ZNF345: variants seen among roughly 807,000 people sequenced by gnomAD.
ZNF345 encodes the protein zinc finger protein 345, also known as zinc finger protein HZF10.
For synonymous variants in ZNF345, 166 were observed against 187.9 expected (o/e 0.88, Z 0.95); for missense variants, 527 against 589.9 (o/e 0.89, Z 1.10).
intron 2 of ZNF345, among the ~76,000 whole-genome samples, chr19:36,860,000 C>T (rs1420224630): frequency 1.3e-5 from 2 of 152,028 alleles, no homozygotes; most frequent in African/African-American, 4.8e-5. Flanking sequence ...CTGGGTCGCC[C>T]AGGCTGGAGT....
intron 2 of ZNF345, among the ~76,000 whole-genome samples, chr19:36,853,127 G>A (rs2072322083): frequency 6.6e-6 from 1 of 151,046 alleles, no homozygotes; most frequent in African/African-American, 2.4e-5. Flanking sequence ...TAGAAGTTCT[G>A]GATTTCATTG....
chr19:36,858,023 G>A (rs1453114009), intron 2 of ZNF345, among the ~76,000 whole-genome samples: 9 of 151,068 alleles, frequency 6.0e-5, no homozygotes, highest in Admixed American at 1.3e-4. Flanking sequence ...CAGGTGATCC[G>A]CCCACCTAGG....
intron 2 of ZNF345, among the ~76,000 whole-genome samples, chr19:36,869,764 C>CTTTT (rs370081401): frequency 1.4e-5 from 2 of 139,646 alleles, no homozygotes; most frequent in Non-Finnish European, 3.1e-5. Context: ...GATCATTTAG[C>CTTTT]TTTTTTTTTT....
At chr19:36,884,719 G>A (rs550229864) in intron 3 of ZNF345, among the ~76,000 whole-genome samples, 3 of 152,142 alleles carry the variant, frequency 2.0e-5, no homozygotes, top group Non-Finnish European at 2.9e-5. Context: ...CATAAATCAT[G>A]TTATACTGTC....
chr19:36,864,544 T>A (rs1176539997), intron 2 of ZNF345, among the ~76,000 whole-genome samples: 3 of 151,204 alleles, frequency 2.0e-5, no homozygotes, highest in South Asian at 4.2e-4. Context: ...AAAAAAAAAA[T>A]AATAAGAGCA....
downstream of ZNF345, among the ~76,000 whole-genome samples, chr19:36,882,831 AT>A (rs60865779): frequency 0.15 from 22,384 of 152,172 alleles, 2,148 homozygotes; most frequent in Non-Finnish European, 0.22. Context: ...AATAATATAT[AT>A]TCTCTATAAA....
rs1358861883 is a variant in ZNF345, at chr19:36,878,171, T to A, written c.1341T>A (p.Ile447=). The change falls in exon 3 of 3, where the codon ATT becomes ATA. Residue 447 remains isoleucine (I), a synonymous_variant. Coordinates refer to ENST00000420450, the MANE Select transcript of ZNF345 (RefSeq NM_001242472.2). ...CAAGCCTTACTCAGCATCAGAGAAT[T>A]CATACAGGTGAGAAACTTTATGAAT... ...SGSSLTQHQR[I]HTGEKLYECK... 1 of 1,614,024 alleles carries A rather than the reference T, an allele frequency of 6.2e-7. No homozygotes were observed. The highest frequency in any genetic ancestry group is 8.5e-7 in the Non-Finnish European group (1 of 1,180,016).
intron 2 of ZNF345, among the ~76,000 whole-genome samples, chr19:36,860,489 T>A (rs1019034735): frequency 6.6e-5 from 10 of 152,228 alleles, no homozygotes; most frequent in Admixed American, 6.5e-4. Context: ...CTCTCTAGTC[T>A]TCTTTAATCT....
At chr19:36,884,185 C>G (rs1416512063), downstream of ZNF345, among the ~76,000 whole-genome samples, 1 of 152,158 alleles carries the variant, frequency 6.6e-6, no homozygotes, top group Non-Finnish European at 1.5e-5. Context: ...CCTGCCTCAG[C>G]CTCGTGAGTA....
Position 36,877,555 on chromosome 19 carries a change from G to C in ZNF345, c.725G>C (p.Gly242Ala), listed in dbSNP as rs146480338. The change falls in exon 3 of 3, where the codon GGT (glycine) becomes GCT (alanine). Residue 242 changes from glycine (G) to alanine (A), a missense_variant. Transcript: ENST00000420450. ...GCATGTGGAATGGCCTTTAGCAGTGGTTCGGCTCTTACTCGGCATCAGAGA... is the reference window on the plus strand; with the variant it reads ...GCATGTGGAATGGCCTTTAGCAGTGCTTCGGCTCTTACTCGGCATCAGAGA... ...CKACGMAFSS[G>A]SALTRHQRIH... 1.3e-4 allele frequency: 213 copies of C among 1,614,110 alleles called. 1 individual carries two copies. Among genetic ancestry groups the C allele is most frequent in the Non-Finnish European group, 1.6e-4 (186 of 1,180,034 alleles).
At position 36,877,275 on chromosome 19, in the gene ZNF345, A is replaced by G. The variant is rs2072902665; in HGVS notation, c.445A>G (p.Lys149Glu). 3 of 1,613,988 alleles carry G rather than the reference A, an allele frequency of 1.9e-6. No homozygotes were observed. Among genetic ancestry groups the G allele is most frequent in the Non-Finnish European group, 8.5e-7 (1 of 1,180,012 alleles). ...IHTGEKPYECKECGKAFSFGS... is the reference protein window; with the variant it reads ...IHTGEKPYECEECGKAFSFGS... ...TACTGGTGAGAAACCCTATGAGTGT[A>G]AGGAATGTGGGAAAGCCTTTAGTTT... The change falls in exon 3 of 3, where the codon AAG becomes GAG. Residue 149 changes from lysine to glutamate, a missense_variant. Physicochemically the swap from Lys to Glu is moderately conservative, Grantham distance 56 (BLOSUM62 1). Coordinates refer to ENST00000420450, the MANE Select transcript of ZNF345 (RefSeq NM_001242472.2).
chr19:36,869,210 A>G (rs764361642), intron 2 of ZNF345, among the ~76,000 whole-genome samples: 3 of 151,882 alleles, frequency 2.0e-5, no homozygotes, highest in Non-Finnish European at 4.4e-5. Flanking sequence ...TCATTTAGTA[A>G]TTTACTACAA....
At chr19:36,887,936 AG>A (rs2073012559) in intron 3 of ZNF345, among the ~76,000 whole-genome samples, 1 of 152,246 alleles carries the variant, frequency 6.6e-6, no homozygotes, top group South Asian at 2.1e-4. Flanking sequence ...TTATGTGTAC[AG>A]GAAAAACTGT....
intron 2 of ZNF345, among the ~76,000 whole-genome samples, chr19:36,854,018 C>G (rs1002633035): frequency 6.6e-6 from 1 of 152,064 alleles, no homozygotes; most frequent in African/African-American, 2.4e-5. Flanking sequence ...AGCCAAAAGG[C>G]CAAGAGACAA....
chr19:36,869,636 A>G (rs2072733896), intron 2 of ZNF345, among the ~76,000 whole-genome samples: 1 of 152,212 alleles, frequency 6.6e-6, no homozygotes, highest in Non-Finnish European at 1.5e-5. Context: ...AGACATGTCT[A>G]GCTCTGTGCT....
At chr19:36,860,624 A>G (rs920785266) in intron 2 of ZNF345, among the ~76,000 whole-genome samples, 4 of 152,184 alleles carry the variant, frequency 2.6e-5, no homozygotes, top group Non-Finnish European at 5.9e-5. Flanking sequence ...CATTCAGGCT[A>G]TGAATTTTGT....
chr19:36,878,241 C>A lies in ZNF345; in HGVS notation c.1411C>A (p.Gln471Lys). 1 of 1,605,266 alleles carries A rather than the reference C, an allele frequency of 6.2e-7. No homozygotes were observed. The highest frequency in any genetic ancestry group is 8.5e-7 in the Non-Finnish European group (1 of 1,177,346). ...KAYGRDSEFQQHKKSHNGKKL... is the reference protein window; with the variant it reads ...KAYGRDSEFQKHKKSHNGKKL... ...TTATGGGAGGGATTCAGAGTTTCAG[C>A]AACATAAGAAAAGTCATAATGGTAA... is the stretch of plus-strand genomic sequence containing the variant. Residue 471 changes from glutamine (Q) to lysine (K), a missense_variant, in exon 3 of 3, where the codon CAA (glutamine) becomes AAA (lysine). Coordinates refer to ENST00000420450, the MANE Select transcript of ZNF345 (RefSeq NM_001242472.2).
chr19:36,891,789 A>G lies in ZNF345; in HGVS notation c.47-1029A>G, dbSNP rs554063383. The G allele has an allele frequency of 6.2e-6, 10 of 1,614,178 alleles. No homozygotes were observed. In the East Asian group the frequency reaches 1.8e-4, roughly 29 times the overall value. ...GATGGTTAGTAAGTGTTGAGGCACT[A>G]TTAAAGGCCTTCCCACACTGCTTAC... On this transcript the variant is annotated intron_variant, in intron 3 of 3. Transcript: ENST00000526123.
intron 2 of ZNF345, among the ~76,000 whole-genome samples, chr19:36,868,002 C>CT (rs569167997): frequency 0.016 from 2,087 of 126,984 alleles, 35 homozygotes; most frequent in Non-Finnish European, 0.025. Flanking sequence ...TGAGGAGTGG[C>CT]TTTTTTTTTT....
Sources: allele counts gnomAD v4.1 joint callset (sites outside exome capture counted in the v4.1 genomes callset), GRCh38; gene constraint gnomAD v4.1.1; transcripts MANE v1.5; gene names NCBI Gene and HGNC (gene_info 2026-07-23, HGNC 2026-07-21).